Variants in GABRB2 observed in about 807,000 individuals in gnomAD.
GABRB2 encodes the protein gamma-aminobutyric acid receptor subunit beta-2.
A neutral mutation model predicts 54.7 loss-of-function variants in GABRB2; 16 were observed. That is an observed-to-expected ratio of 0.29 (90% CI 0.20 to 0.44). The LOEUF (loss-of-function observed/expected upper bound fraction) is 0.44. Ranked by LOEUF, GABRB2 falls within the 20% of genes least tolerant of loss-of-function variation. The probability of loss-of-function intolerance (pLI) is 1.00; values close to 1 mark genes in which losing one functional copy is unlikely to be tolerated. For missense variants in GABRB2, 355 were observed against 644.0 expected, an observed-to-expected ratio of 0.55 and a Z score of 4.86; for synonymous variants, 244 against 233.8, an observed-to-expected ratio of 1.04 and a Z score of -0.40.
chr5:161,419,671 G>T (rs1335157545), intron 4 of GABRB2, among the ~76,000 whole-genome samples: 2 of 152,242 alleles, frequency 1.3e-5, no homozygotes, highest in African/African-American at 4.8e-5. Context: ...CACAGATGGG[G>T]CTGAAGGCCA....
chr5:161,483,594 C>G (rs969040954), intron 3 of GABRB2, among the ~76,000 whole-genome samples: 12 of 151,826 alleles, frequency 7.9e-5, no homozygotes, highest in African/African-American at 2.4e-4. Context: ...ATGTTGTAAT[C>G]CTGGATTCAG....
At chr5:161,366,290 G>A (rs1036034470) in intron 5 of GABRB2, among the ~76,000 whole-genome samples, 1 of 151,992 alleles carries the variant, frequency 6.6e-6, no homozygotes, top group African/African-American at 2.4e-5. Context: ...TGCTGATGAA[G>A]CAATGACCAA....
intron 5 of GABRB2, among the ~76,000 whole-genome samples, chr5:161,392,018 T>A (rs1755838791): frequency 6.6e-6 from 1 of 152,142 alleles, no homozygotes; most frequent in Non-Finnish European, 1.5e-5. Context: ...GTGACAGATT[T>A]TGTGTGTGCA....
chr5:161,480,583 T>G (rs1758733426), intron 3 of GABRB2, among the ~76,000 whole-genome samples: 1 of 152,042 alleles, frequency 6.6e-6, no homozygotes, highest in Non-Finnish European at 1.5e-5. Flanking sequence ...TGTTTGGCAT[T>G]GGTGGTAATT....
At chr5:161,328,772 C>A (rs1341229111) in intron 8 of GABRB2, among the ~76,000 whole-genome samples, 1 of 152,096 alleles carries the variant, frequency 6.6e-6, no homozygotes, top group African/African-American at 2.4e-5. Context: ...TGTGTAGCAG[C>A]AACCTGGGCC....
chr5:161,430,334 G>C (rs1757141035), intron 4 of GABRB2, among the ~76,000 whole-genome samples: 1 of 152,268 alleles, frequency 6.6e-6, no homozygotes, highest in South Asian at 2.1e-4. Flanking sequence ...TTGAATTTTA[G>C]ATTATTTTTT....
chr5:161,358,225 T>G (rs576004500), intron 5 of GABRB2, among the ~76,000 whole-genome samples: 1 of 152,224 alleles, frequency 6.6e-6, no homozygotes, highest in African/African-American at 2.4e-5. Context: ...GAGTGGAGGC[T>G]AAGGAACAGT....
chr5:161,524,627 A>G (rs753364100), intron 3 of GABRB2, among the ~76,000 whole-genome samples: 1 of 151,438 alleles, frequency 6.6e-6, no homozygotes, highest in Non-Finnish European at 1.5e-5. Flanking sequence ...CCAAGTTTTA[A>G]CGCAATCCTA....
At chr5:161,454,230 G>C (rs1320098830) in intron 4 of GABRB2, among the ~76,000 whole-genome samples, 2 of 152,060 alleles carry the variant, frequency 1.3e-5, no homozygotes, top group Non-Finnish European at 1.5e-5. Context: ...CTTGCCTTGG[G>C]GATTGAGGGT....
chr5:161,492,624 T>C (rs1241623141), intron 3 of GABRB2, among the ~76,000 whole-genome samples: 4 of 151,514 alleles, frequency 2.6e-5, no homozygotes, highest in Non-Finnish European at 4.4e-5. Flanking sequence ...ATGTTAGTTG[T>C]AATTTAAATA....
chr5:161,438,817 T>C (rs986068243), intron 4 of GABRB2, among the ~76,000 whole-genome samples: 1 of 151,968 alleles, frequency 6.6e-6, no homozygotes, highest in African/African-American at 2.4e-5. Context: ...AAGAAATTAG[T>C]GAGCTTGAAA....
chr5:161,436,911 C>A (rs1179222959), intron 4 of GABRB2, among the ~76,000 whole-genome samples: 1 of 152,144 alleles, frequency 6.6e-6, no homozygotes, highest in African/African-American at 2.4e-5. Context: ...CCAAACTCAG[C>A]TGATACTTGC....
chr5:161,458,735 T>C (rs935810923), intron 4 of GABRB2, among the ~76,000 whole-genome samples: 5 of 152,226 alleles, frequency 3.3e-5, no homozygotes, highest in Non-Finnish European at 5.9e-5. Flanking sequence ...TGTATGAGGT[T>C]GTTGTAAGGG....
At chr5:161,311,927 A>G (rs13185229) in intron 9 of GABRB2, among the ~76,000 whole-genome samples, 19,343 of 152,194 alleles carry the variant, frequency 0.13, 1,736 homozygotes, top group African/African-American at 0.22. Context: ...GTTACAGGGA[A>G]GAATTTTCCA....
At chr5:161,372,020 G>C (rs114314304) in intron 5 of GABRB2, among the ~76,000 whole-genome samples, 1,809 of 152,114 alleles carry the variant, frequency 0.012, 34 homozygotes, top group African/African-American at 0.042. Context: ...ATGTGTCACT[G>C]CACCTGTCCA....
intron 9 of GABRB2, among the ~76,000 whole-genome samples, chr5:161,319,406 A>C (rs954794443): frequency 1.4e-5 from 2 of 147,606 alleles, no homozygotes; most frequent in Admixed American, 6.8e-5. Context: ...ATAAAAATAT[A>C]TTATATATAT....
rs1174200567 is a variant in GABRB2, at chr5:161,339,601, T to A, written c.542-2832A>T. Among the ~76,000 whole-genome samples, 5 of 152,268 alleles carry A rather than the reference T, an allele frequency of 3.3e-5. No homozygotes were observed. In the South Asian group the frequency reaches 6.2e-4, roughly 19 times the overall value. On this transcript the variant is annotated intron_variant, in intron 5 of 9. Transcript: ENST00000393959. ...TGATAGCAATTAAAATAAATGCTGT[T>A]ATTTATTGAGTGATGTTATTCATTT...
At chr5:161,474,917 G>A (rs1758550069) in intron 3 of GABRB2, among the ~76,000 whole-genome samples, 1 of 151,850 alleles carries the variant, frequency 6.6e-6, no homozygotes, top group Admixed American at 6.6e-5. Flanking sequence ...TCCTAGGGGT[G>A]CATCTAATTA....
intron 4 of GABRB2, among the ~76,000 whole-genome samples, chr5:161,430,807 A>G (rs1034994360): frequency 6.6e-6 from 1 of 152,178 alleles, no homozygotes; most frequent in Non-Finnish European, 1.5e-5. Context: ...ATTACTATTA[A>G]ACTACTCTCC....
Sources: allele counts gnomAD v4.1 joint callset (sites outside exome capture counted in the v4.1 genomes callset), GRCh38; gene constraint gnomAD v4.1.1; transcripts MANE v1.5; gene names NCBI Gene and HGNC (gene_info 2026-07-23, HGNC 2026-07-21).